Variants in FRMPD4 observed in about 807,000 individuals in gnomAD.
The protein encoded by FRMPD4 is FERM and PDZ domain-containing protein 4.
In FRMPD4, 22 loss-of-function variants were observed where a neutral mutation model predicts 94.1. That is an observed-to-expected ratio of 0.23 (90% CI 0.17 to 0.33). The LOEUF (loss-of-function observed/expected upper bound fraction) is 0.33, where lower values mean the gene tolerates loss of function less well. FRMPD4 is among the 10% of genes least tolerant of loss of function. The pLI is 1.00. For missense variants in FRMPD4, 1,111 were observed against 1,339.9 expected, an observed-to-expected ratio of 0.83 and a Z score of 2.67; for synonymous variants, 631 against 548.6, an observed-to-expected ratio of 1.15 and a Z score of -2.10.
At chrX:11,957,040 G>C (rs1408037782) in intron 3 of FRMPD4, among the ~76,000 whole-genome samples, 1 of 112,259 alleles carries the variant, frequency 8.9e-6, no homozygotes, top group Non-Finnish European at 1.9e-5. Flanking sequence ...CAGGAAAGCT[G>C]TAGGTTTTAG....
chrX:12,096,163 G>A (rs920391195), intron 3 of FRMPD4, among the ~76,000 whole-genome samples: 19 of 111,994 alleles, frequency 1.7e-4, no homozygotes, highest in Admixed American at 1.1e-3. Flanking sequence ...ACATTATATC[G>A]GAAACAGGTA....
At position 12,553,466 on chromosome X, in the gene FRMPD4, A is replaced by ATATATATATATATATATATC. The variant is rs368999462; in HGVS notation, c.158+54671_158+54672insATATATATATATATATATCT. On this transcript the variant is annotated intron_variant, in intron 2 of 16. Transcript: ENST00000675598. ...TATATATATATATATATATATATAT[A>ATATATATATATATATATATC]TCTAATCCACTAATTTATTTGCAAC... is the stretch of plus-strand genomic sequence containing the variant. Among the ~76,000 whole-genome samples, 364 of 77,473 alleles carry ATATATATATATATATATATC rather than the reference A, an allele frequency of 4.7e-3. 6 individuals are homozygous for ATATATATATATATATATATC. Among genetic ancestry groups the ATATATATATATATATATATC allele is most frequent in the Middle Eastern group, 7.4e-3 (1 of 136 alleles). The allele number at this position is 77,473 out of a possible 115,157, so 67.3% of individuals were successfully genotyped here. A position where few individuals can be genotyped will look rare whatever the true frequency, so the allele number is the denominator to read the frequency against.
intron 3 of FRMPD4, among the ~76,000 whole-genome samples, chrX:12,098,881 T>C (rs2055229879): frequency 9.1e-6 from 1 of 110,029 alleles, no homozygotes; most frequent in Admixed American, 9.7e-5. Flanking sequence ...CCCCTTATTT[T>C]GCTTCCTAAT....
At chrX:12,706,526 G>A (rs954883039) in intron 11 of FRMPD4, among the ~76,000 whole-genome samples, 2 of 111,583 alleles carry the variant, frequency 1.8e-5, no homozygotes, top group Non-Finnish European at 3.8e-5. Flanking sequence ...ATGTTCAATG[G>A]AACATTTTAT....
At chrX:12,499,003 G>A (rs1408596276) in intron 2 of FRMPD4, among the ~76,000 whole-genome samples, 1 of 110,601 alleles carries the variant, frequency 9.0e-6, no homozygotes, top group Non-Finnish European at 1.9e-5. Context: ...ATATTGTGAT[G>A]TTGGGTTGCT....
intron 3 of FRMPD4, among the ~76,000 whole-genome samples, chrX:11,887,921 G>A (rs968777777): frequency 8.9e-6 from 1 of 112,314 alleles, no homozygotes; most frequent in Non-Finnish European, 1.9e-5. Flanking sequence ...GTTTTGAGAA[G>A]TTGCCTACAA....
At chrX:12,194,286 C>T (rs948004362) in intron 1 of FRMPD4, among the ~76,000 whole-genome samples, 1 of 111,000 alleles carries the variant, frequency 9.0e-6, no homozygotes, top group Admixed American at 9.6e-5. Context: ...TTAGATAACA[C>T]GTTTGAAGTA....
intron 3 of FRMPD4, among the ~76,000 whole-genome samples, chrX:12,009,572 C>T (rs2054571166): frequency 1.8e-5 from 2 of 112,280 alleles, no homozygotes; most frequent in Middle Eastern, 9.1e-3. Flanking sequence ...AAAGAAGTGT[C>T]GCTGAGCAGA....
At chrX:12,214,988 G>GAT (rs1050869382) in intron 1 of FRMPD4, among the ~76,000 whole-genome samples, 1 of 110,911 alleles carries the variant, frequency 9.0e-6, no homozygotes, top group Non-Finnish European at 1.9e-5. Context: ...TTTCCCTTCT[G>GAT]ATATATATGC....
intron 16 of FRMPD4, among the ~76,000 whole-genome samples, chrX:12,720,174 C>T (rs1444530173): frequency 8.9e-6 from 1 of 112,150 alleles, no homozygotes; most frequent in Non-Finnish European, 1.9e-5. Flanking sequence ...AACTTAATAT[C>T]TCCAATATAT....
At chrX:12,224,687 G>A (rs187870307) in intron 1 of FRMPD4, among the ~76,000 whole-genome samples, 95 of 111,608 alleles carry the variant, frequency 8.5e-4, no homozygotes, top group Non-Finnish European at 1.4e-3. Context: ...GTCTCTCTCA[G>A]TAAGCAGAAG....
intron 3 of FRMPD4, among the ~76,000 whole-genome samples, chrX:12,098,713 G>A (rs2055228594): frequency 9.0e-6 from 1 of 111,044 alleles, no homozygotes; most frequent in Non-Finnish European, 1.9e-5. Flanking sequence ...TGGCATCTGG[G>A]AGTAGAGGCA....
intron 1 of FRMPD4, among the ~76,000 whole-genome samples, chrX:12,376,365 A>G (rs2056237420): frequency 8.9e-6 from 1 of 112,295 alleles, no homozygotes; most frequent in African/African-American, 3.2e-5. Flanking sequence ...TGGTGCTAAC[A>G]TATGCATCTG....
Position 12,711,972 on chromosome X carries a change from A to T in FRMPD4, c.1609+1435A>T, listed in dbSNP as rs755344974. ...AATGGAAGCAGCTCAGTCATAGAAA[A>T]AGGGAAGCTAGAAACAAGGAGCAAT... On this transcript the variant is annotated intron_variant, in intron 14 of 16. Transcript: ENST00000675598. Among the ~76,000 whole-genome samples the T allele has an allele frequency of 2.7e-5, 3 of 111,678 alleles. No individual in the cohort carries two copies. The East Asian group carries it at 8.4e-4, about 31-fold the overall frequency.
intron 11 of FRMPD4, among the ~76,000 whole-genome samples, chrX:12,706,085 C>G (rs1435853533): frequency 1.0e-5 from 1 of 97,787 alleles, no homozygotes; most frequent in Non-Finnish European, 1.9e-5. Flanking sequence ...GAAACATGGA[C>G]CTTTTTTTTT....
At chrX:12,570,244 G>T (rs756262550) in intron 2 of FRMPD4, among the ~76,000 whole-genome samples, 60 of 111,763 alleles carry the variant, frequency 5.4e-4, no homozygotes, top group African/African-American at 1.8e-3. Flanking sequence ...GCAGCATCCA[G>T]TTCCTAATCT....
At chrX:12,667,672 A>G (rs1439806180) in intron 4 of FRMPD4, among the ~76,000 whole-genome samples, 1 of 112,278 alleles carries the variant, frequency 8.9e-6, no homozygotes, top group Non-Finnish European at 1.9e-5. Flanking sequence ...TGCTTTCTGC[A>G]TCAAATGACA....
At chrX:11,976,177 T>C (rs1460411827) in intron 3 of FRMPD4, among the ~76,000 whole-genome samples, 2 of 111,510 alleles carry the variant, frequency 1.8e-5, no homozygotes, top group Admixed American at 1.9e-4. Flanking sequence ...GACATTGAAA[T>C]GGGGGAGTGG....
intron 3 of FRMPD4, among the ~76,000 whole-genome samples, chrX:12,058,031 A>G (rs2054864098): frequency 9.0e-6 from 1 of 111,086 alleles, no homozygotes; most frequent in African/African-American, 3.3e-5. Flanking sequence ...AGGGGAAGGG[A>G]GATGAGGGAA....
Sources: gnomAD v4.1 joint callset for allele counts (sites outside exome capture counted in the v4.1 genomes callset) on GRCh38, gnomAD v4.1.1 for gene constraint, MANE v1.5 for transcripts, NCBI Gene and HGNC (gene_info 2026-07-23, HGNC 2026-07-21) for gene names.